Variants in BTD observed in about 807,000 individuals in gnomAD.
The protein encoded by BTD is biocytinase.
Under a neutral mutation model 17.7 loss-of-function variants are expected in BTD, and 13 were observed. That is an observed-to-expected ratio of 0.74 (90% CI 0.48 to 1.17). The LOEUF (loss-of-function observed/expected upper bound fraction) is 1.17. Among genes scored for constraint, BTD ranks in the 50% most tolerant of loss-of-function variants. The pLI is 0.00. For missense variants in BTD, 674 were observed against 650.4 expected, an observed-to-expected ratio of 1.04 and a Z score of -0.39; for synonymous variants, 240 against 245.2, an observed-to-expected ratio of 0.98 and a Z score of 0.20.
intron 1 of BTD, among the ~76,000 whole-genome samples, chr3:15,610,646 C>T (rs1460417429): frequency 6.6e-6 from 1 of 152,162 alleles, no homozygotes; most frequent in Non-Finnish European, 1.5e-5. Context: ...ACACCAATCC[C>T]ACACTATCTT....
intron 4 of BTD, chr3:15,720,920 T>C: frequency 6.2e-7 from 1 of 1,613,068 alleles, no homozygotes; most frequent in Admixed American, 1.7e-5. Flanking sequence ...CTTACCTTCA[T>C]ATTGACATCG....
intron 1 of BTD, among the ~76,000 whole-genome samples, chr3:15,622,497 G>T (rs994626420): frequency 1.3e-5 from 2 of 152,184 alleles, no homozygotes; most frequent in African/African-American, 2.4e-5. Flanking sequence ...AATGTTCCAT[G>T]TGAGCTTGAG....
intron 4 of BTD, chr3:15,721,002 A>G (rs769166944): frequency 6.2e-7 from 1 of 1,613,922 alleles, no homozygotes; most frequent in South Asian, 1.1e-5. Flanking sequence ...GCAAAGGAGT[A>G]AATCCTTTTT....
chr3:15,666,697 T>C (rs2066000417), intron 3 of BTD, among the ~76,000 whole-genome samples: 1 of 151,240 alleles, frequency 6.6e-6, no homozygotes, highest in African/African-American at 2.4e-5. Context: ...TCATCATCTT[T>C]CCATGCTCAG....
chr3:15,663,283 C>T (rs572533032), intron 3 of BTD, among the ~76,000 whole-genome samples: 35 of 152,334 alleles, frequency 2.3e-4, no homozygotes, highest in Admixed American at 1.0e-3. Flanking sequence ...CGTGAGCCGC[C>T]GCGCCTGGCC....
At chr3:15,689,850 T>C in intron 3 of BTD, 1 of 620,504 alleles carries the variant, frequency 1.6e-6, no homozygotes, top group Admixed American at 3.0e-5. Flanking sequence ...CTTTGTAAAT[T>C]CATTTGTGTG....
Position 15,609,713 on chromosome 3 carries a change from G to C in BTD, c.-17+7819G>C, listed in dbSNP as rs116645361. On this transcript the variant is annotated intron_variant, in intron 1 of 3. Coordinates refer to ENST00000643237, the MANE Select transcript of BTD (RefSeq NM_001370658.1). Reference sequence around the variant, plus strand: ...GCGTGTTTCTTTTTCTGTGAATTACGTGTTTACATCTGTTGCACATTTCCT... The same window carrying C: ...GCGTGTTTCTTTTTCTGTGAATTACCTGTTTACATCTGTTGCACATTTCCT... 6.7e-3 allele frequency among the ~76,000 whole-genome samples: 1,023 copies of C among 152,110 alleles called. 9 individuals are homozygous for C. The highest frequency in any genetic ancestry group is 0.023 in the African/African-American group (972 of 41,530).
At chr3:15,688,716 TAG>T (rs1227446497) in intron 3 of BTD, among the ~76,000 whole-genome samples, 1 of 152,128 alleles carries the variant, frequency 6.6e-6, no homozygotes, top group African/African-American at 2.4e-5. Context: ...TCTATAAAAA[TAG>T]AGAGTTGTGA....
chr3:15,629,949 T>G (rs1335914241), intron 1 of BTD: 1 of 620,836 alleles, frequency 1.6e-6, no homozygotes, highest in Admixed American at 6.3e-5. Flanking sequence ...TTCAAACGGT[T>G]TATATTGCAT....
At chr3:15,621,523 A>G (rs1222622110) in intron 1 of BTD, among the ~76,000 whole-genome samples, 2 of 152,158 alleles carry the variant, frequency 1.3e-5, no homozygotes, top group South Asian at 2.1e-4. Flanking sequence ...TCTAATACAT[A>G]TAGGCCTCTT....
At position 15,644,667 on chromosome 3, in the gene BTD, G is replaced by T. The variant is rs144575084; in HGVS notation, c.751G>T (p.Ala251Ser). 1.9e-6 allele frequency: 3 copies of T among 1,614,050 alleles called. No homozygotes were observed. The African/African-American group carries it at 4.0e-5, about 22-fold the overall frequency. Residue 251 changes from alanine to serine, a missense_variant, in exon 4 of 4, where the codon GCC becomes TCC. Transcript: ENST00000643237. ...GGTGAAGCATGTTGTGTACCCAACT[G>T]CCTGGATGAACCAGCTCCCACTCTT... Reference protein sequence around the residue: ...YKVKHVVYPTAWMNQLPLLAA... With the variant: ...YKVKHVVYPTSWMNQLPLLAA...
intron 3 of BTD, among the ~76,000 whole-genome samples, chr3:15,675,277 AAACAAC>A (rs550059526): frequency 2.0e-5 from 3 of 152,092 alleles, no homozygotes; most frequent in Non-Finnish European, 4.4e-5. Flanking sequence ...TCTCAAAAAC[AAACAAC>A]AACAACAACA....
chr3:15,631,185 C>A (rs943309387), intron 1 of BTD, among the ~76,000 whole-genome samples: 1 of 152,144 alleles, frequency 6.6e-6, no homozygotes, highest in African/African-American at 2.4e-5. Context: ...TATACTATGC[C>A]GGTTCCTAAT....
At chr3:15,714,561 A>AC, downstream of BTD, 1 of 1,558,308 alleles carries the variant, frequency 6.4e-7, no homozygotes, top group African/African-American at 1.4e-5. Flanking sequence ...CAAAAAAAAA[A>AC]CAGAAATACT....
downstream of BTD, among the ~76,000 whole-genome samples, chr3:15,716,674 C>A (rs150314535): frequency 2.6e-5 from 4 of 152,072 alleles, no homozygotes; most frequent in Non-Finnish European, 2.9e-5. Flanking sequence ...AACTAAACAA[C>A]CCCCACAACT....
Position 15,686,237 on chromosome 3 carries a change from T to C in BTD, c.400-23823T>C, listed in dbSNP as rs900407539. 3.1e-6 allele frequency: 5 copies of C among 1,592,882 alleles called. No homozygotes were observed. In the East Asian group the frequency reaches 6.8e-5, roughly 22 times the overall value. On this transcript the variant is annotated intron_variant, in intron 3 of 3. Coordinates refer to the BTD transcript ENST00000672141. ...CGAAACTTACTGTCCATTTCCATCT[T>C]GAATATCCACTGCATTCTGTGGTTC...
intron 3 of BTD, among the ~76,000 whole-genome samples, chr3:15,661,674 A>T (rs1380516528): frequency 1.3e-5 from 2 of 152,128 alleles, no homozygotes; most frequent in Non-Finnish European, 2.9e-5. Context: ...ATCATTTTTC[A>T]TGGGTGGTGC....
intron 1 of BTD, among the ~76,000 whole-genome samples, chr3:15,622,501 G>A (rs768303652): frequency 6.6e-6 from 1 of 152,194 alleles, no homozygotes; most frequent in Non-Finnish European, 1.5e-5. Context: ...TTCCATGTGA[G>A]CTTGAGAAGA....
At position 15,645,774 on chromosome 3, in the gene BTD, C is replaced by A; in HGVS notation, c.*286C>A. The A allele has an allele frequency of 2.9e-6, 1 of 346,666 alleles. No homozygotes were observed. The highest frequency in any genetic ancestry group is 5.3e-6 in the Non-Finnish European group (1 of 189,916). The allele number at this position is 346,666 out of a possible 1,614,324, so 21.5% of individuals were successfully genotyped here. A position where few individuals can be genotyped will look rare whatever the true frequency, so the allele number is the denominator to read the frequency against. On this transcript the variant is annotated 3_prime_UTR_variant, in exon 4 of 4. Transcript: ENST00000643237. ...AAATCTCTCAGTATGCGATTGGTCT[C>A]AAGCTAAAACAAAAATAAATGTCAG...
Sources: allele counts gnomAD v4.1 joint callset (sites outside exome capture counted in the v4.1 genomes callset), GRCh38; gene constraint gnomAD v4.1.1; transcripts MANE v1.5; gene names NCBI Gene and HGNC (gene_info 2026-07-23, HGNC 2026-07-21).